Variants in DMD observed in about 807,000 individuals in gnomAD.
DMD encodes the protein dystrophin, also known as mutant dystrophin.
In DMD, 63 loss-of-function variants were observed where a neutral mutation model predicts 330.1. The ratio of observed to expected loss-of-function variants is 0.19; its 90% confidence interval spans 0.16 to 0.24. The LOEUF (loss-of-function observed/expected upper bound fraction) is 0.24, where lower values mean the gene tolerates loss of function less well. DMD is among the 10% of genes least tolerant of loss of function. The probability of loss-of-function intolerance (pLI) is 1.00; values close to 1 mark genes in which losing one functional copy is unlikely to be tolerated. For missense variants in DMD, 3,344 were observed against 2,684.1 expected (o/e 1.25, Z -5.43); for synonymous variants, 1,223 against 959.8 (o/e 1.27, Z -5.07).
At chrX:31,338,977 A>G (rs2057570859) in intron 61 of DMD, among the ~76,000 whole-genome samples, 1 of 105,131 alleles carries the variant, frequency 9.5e-6, no homozygotes, top group East Asian at 3.0e-4. Context: ...AAAGTGCCCC[A>G]ATTTGTAGTA....
intron 44 of DMD, among the ~76,000 whole-genome samples, chrX:32,137,021 A>G (rs1330902027): frequency 8.9e-6 from 1 of 112,413 alleles, no homozygotes; most frequent in Non-Finnish European, 1.9e-5. Context: ...ATAAATTTAA[A>G]AAAAAGAAAA....
intron 9 of DMD, among the ~76,000 whole-genome samples, chrX:32,670,819 A>C (rs1002920997): frequency 8.9e-6 from 1 of 112,169 alleles, no homozygotes; most frequent in African/African-American, 3.2e-5. Context: ...ATTCAAAAGT[A>C]CAGTTTTTTT....
intron 2 of DMD, among the ~76,000 whole-genome samples, chrX:32,858,400 G>A (rs1363520597): frequency 8.9e-6 from 1 of 112,139 alleles, no homozygotes; most frequent in Non-Finnish European, 1.9e-5. Flanking sequence ...CGCAATCTTG[G>A]CTCACTGCAA....
chrX:31,286,539 AAT>A (rs1378367988), intron 62 of DMD, among the ~76,000 whole-genome samples: 3 of 112,137 alleles, frequency 2.7e-5, no homozygotes, highest in Non-Finnish European at 5.6e-5. Context: ...GAGTAAATAT[AAT>A]AGTCTACTTC....
intron 61 of DMD, among the ~76,000 whole-genome samples, chrX:31,335,714 AC>A (rs2057374184): frequency 8.9e-6 from 1 of 112,140 alleles, no homozygotes; most frequent in Non-Finnish European, 1.9e-5. Context: ...AAATCAAATT[AC>A]CCAGTGACTG....
chrX:32,793,661 G>A (rs1448602386), intron 7 of DMD, among the ~76,000 whole-genome samples: 3 of 111,386 alleles, frequency 2.7e-5, no homozygotes. Flanking sequence ...AAAATCTAGA[G>A]GAATGTATAA....
At chrX:32,754,043 C>A (rs982789810) in intron 7 of DMD, among the ~76,000 whole-genome samples, 2 of 111,305 alleles carry the variant, frequency 1.8e-5, no homozygotes, top group African/African-American at 3.3e-5. Flanking sequence ...AAAATTACCC[C>A]TTTGCTGATG....
intron 18 of DMD, among the ~76,000 whole-genome samples, chrX:32,510,860 T>C (rs2045223269): frequency 9.0e-6 from 1 of 111,129 alleles, no homozygotes; most frequent in African/African-American, 3.3e-5. Context: ...ATACTGGTAA[T>C]AAACCAATAC....
chrX:31,991,228 C>G (rs911382759), intron 44 of DMD, among the ~76,000 whole-genome samples: 1 of 111,193 alleles, frequency 9.0e-6, no homozygotes, highest in Non-Finnish European at 1.9e-5. Context: ...TTTAAGGAGA[C>G]AAACGATATG....
intron 60 of DMD, among the ~76,000 whole-genome samples, chrX:31,386,305 A>G (rs1196552599): frequency 9.0e-6 from 1 of 111,422 alleles, no homozygotes; most frequent in African/African-American, 3.3e-5. Flanking sequence ...CAGCACACCA[A>G]CATGGCACAT....
chrX:32,825,830 GA>G (rs771700199), intron 4 of DMD, among the ~76,000 whole-genome samples: 3 of 111,300 alleles, frequency 2.7e-5, no homozygotes, highest in South Asian at 3.8e-4. Context: ...AATTCATAGA[GA>G]AAAAATGGAA....
chrX:31,313,591 G>C (rs1391742100), intron 62 of DMD, among the ~76,000 whole-genome samples: 1 of 111,524 alleles, frequency 9.0e-6, no homozygotes, highest in Non-Finnish European at 1.9e-5. Context: ...GTATTGCATA[G>C]TGGTGAACCT....
intron 47 of DMD, among the ~76,000 whole-genome samples, chrX:31,900,089 C>T (rs1363771088): frequency 1.8e-5 from 2 of 111,595 alleles, no homozygotes; most frequent in South Asian, 7.4e-4. Flanking sequence ...GACTTATGTG[C>T]CTTTGGATTT....
chrX:31,315,649 C>T (rs917550839), intron 62 of DMD, among the ~76,000 whole-genome samples: 6 of 112,316 alleles, frequency 5.3e-5, no homozygotes, highest in Admixed American at 1.9e-4. Context: ...GCAGGGAATG[C>T]TATACCATGT....
chrX:32,339,881 G>A (rs766846342), intron 41 of DMD, among the ~76,000 whole-genome samples: 1 of 111,678 alleles, frequency 9.0e-6, no homozygotes, highest in African/African-American at 3.2e-5. Flanking sequence ...TAGAGAAGGA[G>A]AATATAGGGG....
rs17243392 is a variant in DMD at position 32,328,368 on chromosome X, T to C, written c.5922+13732A>G. On this transcript the variant is annotated intron_variant, in intron 41 of 78. Coordinates refer to ENST00000357033, the MANE Select transcript of DMD (RefSeq NM_004006.3). ...TGGTACCTTTATTATTTGTAAGTGT[T>C]AACGTTGAACAATGTTAGACAAATG... Among the ~76,000 whole-genome samples the C allele has an allele frequency of 7.8e-3, 878 of 111,983 alleles. 5 individuals carry two copies. The highest frequency in any genetic ancestry group is 0.013 in the Non-Finnish European group (710 of 53,116).
chrX:31,825,315 G>C (rs1331537822), intron 49 of DMD, among the ~76,000 whole-genome samples: 1 of 111,847 alleles, frequency 8.9e-6, no homozygotes, highest in Non-Finnish European at 1.9e-5. Context: ...TTCAACATGG[G>C]ATGAAATCTC....
At chrX:31,552,841 T>C (rs889669142) in intron 55 of DMD, among the ~76,000 whole-genome samples, 9 of 111,936 alleles carry the variant, frequency 8.0e-5, no homozygotes, top group African/African-American at 2.9e-4. Context: ...TAATACCACC[T>C]TCCTCAAGGG....
chrX:31,502,315 A>AT (rs933336187), intron 56 of DMD, among the ~76,000 whole-genome samples: 23 of 108,595 alleles, frequency 2.1e-4, no homozygotes, highest in South Asian at 3.9e-4. Flanking sequence ...AGAAGTCAAC[A>AT]TTTTTTTTTT....
Sources: allele counts gnomAD v4.1 joint callset (sites outside exome capture counted in the v4.1 genomes callset), GRCh38; gene constraint gnomAD v4.1.1; transcripts MANE v1.5; gene names NCBI Gene and HGNC (gene_info 2026-07-23, HGNC 2026-07-21).